The following TMEM131L variants were observed in gnomAD, a reference collection of about 807,000 sequenced individuals.
TMEM131L encodes transmembrane protein 131-like.
In TMEM131L, 54 loss-of-function variants were observed where a neutral mutation model predicts 192.2. That is an observed-to-expected ratio of 0.28 (90% CI 0.23 to 0.35). TMEM131L has a LOEUF of 0.35. Ranked by LOEUF, TMEM131L falls within the 10% of genes least tolerant of loss-of-function variation. The pLI, the probability that TMEM131L is intolerant of heterozygous loss-of-function variation, is 1.00. For missense variants in TMEM131L, 1,888 were observed against 1,972.9 expected, an observed-to-expected ratio of 0.96 and a Z score of 0.82; for synonymous variants, 701 against 704.9, an observed-to-expected ratio of 0.99 and a Z score of 0.09.
chr4:153,531,492 T>C (rs1360640382), intron 3 of TMEM131L, among the ~76,000 whole-genome samples: 1 of 152,252 alleles, frequency 6.6e-6, no homozygotes, highest in African/African-American at 2.4e-5. Context: ...TTCCCTCTTT[T>C]GTTATTACTG....
chr4:153,559,096 C>T (rs1479620143), intron 7 of TMEM131L, among the ~76,000 whole-genome samples: 1 of 152,084 alleles, frequency 6.6e-6, no homozygotes, highest in African/African-American at 2.4e-5. Flanking sequence ...CCATTAGTAC[C>T]TGGGGCTTTC....
chr4:153,609,259 G>A (rs191667453), intron 25 of TMEM131L, among the ~76,000 whole-genome samples: 4 of 152,286 alleles, frequency 2.6e-5, no homozygotes, highest in East Asian at 1.9e-4. Context: ...AAGCAAGCAC[G>A]TCTTGCATGG....
rs1730340825 is a variant in TMEM131L at position 153,581,496 on chromosome 4, C to T, written c.828C>T (p.Asn276=). The change falls in exon 9 of 35, where the codon AAC becomes AAT. Residue 276 remains asparagine (N), a synonymous_variant. Coordinates refer to ENST00000409959, the MANE Select transcript of TMEM131L (RefSeq NM_001131007.2). ...ACTTTTCAAAAGAATTTGAAGAAAACACACAACATTTGTTAGATCATCTCT... is the reference window on the plus strand; with the variant it reads ...ACTTTTCAAAAGAATTTGAAGAAAATACACAACATTTGTTAGATCATCTCT... ...MENFSKEFEE[N]TQHLLDHLSI... 6.2e-7 allele frequency: 1 copy of T among 1,603,530 alleles called. No homozygotes were observed. The highest frequency in any genetic ancestry group is 8.5e-7 in the Non-Finnish European group (1 of 1,173,974).
intron 7 of TMEM131L, among the ~76,000 whole-genome samples, chr4:153,571,977 A>T (rs1401700266): frequency 6.6e-6 from 1 of 152,138 alleles, no homozygotes; most frequent in African/African-American, 2.4e-5. Context: ...GCACAATGAG[A>T]TCTCAAAGTA....
intron 3 of TMEM131L, among the ~76,000 whole-genome samples, chr4:153,523,433 T>C (rs1490100008): frequency 6.6e-6 from 1 of 152,164 alleles, no homozygotes; most frequent in East Asian, 1.9e-4. Context: ...GAGAGAAGCA[T>C]AATAAGCCAA....
At chr4:153,508,125 A>C (rs894822431) in intron 3 of TMEM131L, among the ~76,000 whole-genome samples, 1 of 152,190 alleles carries the variant, frequency 6.6e-6, no homozygotes, top group Non-Finnish European at 1.5e-5. Context: ...TAAGGAACTG[A>C]ATCAGGGAAA....
chr4:153,623,703 C>T (rs1247786205), intron 29 of TMEM131L, among the ~76,000 whole-genome samples: 3 of 152,142 alleles, frequency 2.0e-5, no homozygotes, highest in Non-Finnish European at 2.9e-5. Context: ...CTTTTATTGC[C>T]GGGTAATACT....
intron 3 of TMEM131L, among the ~76,000 whole-genome samples, chr4:153,524,090 G>A (rs557115448): frequency 3.6e-4 from 54 of 150,356 alleles, no homozygotes; most frequent in Non-Finnish European, 6.6e-4. Flanking sequence ...TTACCAGCAC[G>A]TCTCACTTTA....
intron 7 of TMEM131L, among the ~76,000 whole-genome samples, chr4:153,563,707 T>C (rs1409263079): frequency 6.6e-6 from 1 of 151,980 alleles, no homozygotes; most frequent in Non-Finnish European, 1.5e-5. Context: ...GACTCATTGA[T>C]CCACCCACCT....
chr4:153,611,827 C>T lies in TMEM131L; in HGVS notation c.3419-425C>T, dbSNP rs141707714. ...GACTTTCATTCCTTTTTTGAAAAAA[C>T]CATCTTGACCATCTTAACCGTACAG... On this transcript the variant is annotated intron_variant, in intron 25 of 34. Transcript: ENST00000409959. Among the ~76,000 whole-genome samples, 6 of 152,286 alleles carry T rather than the reference C, an allele frequency of 3.9e-5. No individual in the cohort carries two copies. The East Asian group carries it at 9.6e-4, about 24-fold the overall frequency.
At chr4:153,566,518 A>AGTGTGAGT (rs1554034170) in intron 7 of TMEM131L, among the ~76,000 whole-genome samples, 1 of 145,860 alleles carries the variant, frequency 6.9e-6, no homozygotes, top group East Asian at 2.0e-4. Flanking sequence ...TGTGAGTGTG[A>AGTGTGAGT]GTGTGTGTGT....
intron 7 of TMEM131L, among the ~76,000 whole-genome samples, chr4:153,578,992 A>G (rs544143033): frequency 2.9e-4 from 44 of 152,302 alleles, no homozygotes; most frequent in African/African-American, 1.0e-3. Flanking sequence ...GATAAATTTT[A>G]AAAATTAAAA....
Position 153,611,990 on chromosome 4 carries a change from T to A in TMEM131L, c.3419-262T>A, listed in dbSNP as rs1340853751. ...GCATTTTCCCACCTTCTGGTTATTA[T>A]GAATAATGATGCTGTGAATATTGGT... On this transcript the variant is annotated intron_variant, in intron 25 of 34. Transcript: ENST00000409959. Among the ~76,000 whole-genome samples, 8 of 151,136 alleles carry A rather than the reference T, an allele frequency of 5.3e-5. No homozygotes were observed. In the Admixed American group the frequency reaches 5.3e-4, roughly 10 times the overall value.
chr4:153,606,711 A>G (rs949153894), intron 25 of TMEM131L, among the ~76,000 whole-genome samples: 5 of 152,254 alleles, frequency 3.3e-5, no homozygotes, highest in Non-Finnish European at 5.9e-5. Flanking sequence ...ATAATGTTTT[A>G]AATGGCAACA....
At chr4:153,627,080 G>A (rs1221373790) in intron 30 of TMEM131L, among the ~76,000 whole-genome samples, 1 of 152,182 alleles carries the variant, frequency 6.6e-6, no homozygotes, top group East Asian at 1.9e-4. Context: ...ATGCAGTTAA[G>A]AGGGTGAGTT....
chr4:153,545,663 A>G (rs1737119310), intron 3 of TMEM131L, among the ~76,000 whole-genome samples: 1 of 152,192 alleles, frequency 6.6e-6, no homozygotes, highest in Admixed American at 6.5e-5. Context: ...CTTTTAAAAG[A>G]TAAAAGAAAA....
At chr4:153,574,868 G>A (rs981427255) in intron 7 of TMEM131L, among the ~76,000 whole-genome samples, 1 of 152,194 alleles carries the variant, frequency 6.6e-6, no homozygotes, top group African/African-American at 2.4e-5. Flanking sequence ...GATTACAGGT[G>A]TGAGCCACTG....
intron 7 of TMEM131L, among the ~76,000 whole-genome samples, chr4:153,578,004 C>G (rs1730074388): frequency 6.6e-6 from 1 of 152,100 alleles, no homozygotes; most frequent in Non-Finnish European, 1.5e-5. Context: ...TAGGCAGCAT[C>G]CAGCATAACT....
chr4:153,576,675 TAAA>T (rs11313932), intron 7 of TMEM131L, among the ~76,000 whole-genome samples: 5 of 141,156 alleles, frequency 3.5e-5, no homozygotes, highest in African/African-American at 7.6e-5. Flanking sequence ...GTAGATTTCT[TAAA>T]AAAAAAAAAA....
Sources: gnomAD v4.1 joint callset for allele counts (sites outside exome capture counted in the v4.1 genomes callset) on GRCh38, gnomAD v4.1.1 for gene constraint, MANE v1.5 for transcripts, NCBI Gene and HGNC (gene_info 2026-07-23, HGNC 2026-07-21) for gene names.